The following HIVEP3 variants were observed in gnomAD, a reference collection of about 807,000 sequenced individuals.
HIVEP3 encodes HIVEP zinc finger 3.
A neutral mutation model predicts 152.8 loss-of-function variants in HIVEP3; 49 were observed. That is an observed-to-expected ratio of 0.32 (90% CI 0.26 to 0.41). The LOEUF is 0.41. Ranked by LOEUF, HIVEP3 falls within the 10% of genes least tolerant of loss-of-function variation. The pLI is 1.00. For missense variants in HIVEP3, 2,790 were observed against 3,103.3 expected, an observed-to-expected ratio of 0.90 and a Z score of 2.40; for synonymous variants, 1,269 against 1,289.0, an observed-to-expected ratio of 0.98 and a Z score of 0.33.
chr1:42,029,094 A>C (rs1430310376), intron 1 of HIVEP3, among the ~76,000 whole-genome samples: 1 of 152,260 alleles, frequency 6.6e-6, no homozygotes, highest in Non-Finnish European at 1.5e-5. Context: ...AATCTGGCTA[A>C]GGAATACCAG....
chr1:41,577,371 G>A (rs1264686894), intron 4 of HIVEP3, among the ~76,000 whole-genome samples: 3 of 152,176 alleles, frequency 2.0e-5, no homozygotes, highest in African/African-American at 7.2e-5. Flanking sequence ...GGCTCAGAGA[G>A]GTGAAGTTAT....
rs148386372 is a variant in HIVEP3 at position 42,009,466 on chromosome 1, C to G, written n.119+26341G>C. Among the ~76,000 whole-genome samples, 185 of 152,296 alleles carry G rather than the reference C, an allele frequency of 1.2e-3. 1 individual carries two copies. Among genetic ancestry groups the G allele is most frequent in the Non-Finnish European group, 2.0e-3 (136 of 68,020 alleles). ...TCTACCCACAGGATTTCCTTTTTGT[C>G]TGCTGGGTCTACATCAGATATTATT... On this transcript the variant is annotated intron_variant and non_coding_transcript_variant, in intron 1 of 3. Coordinates refer to the HIVEP3 transcript ENST00000489103.
chr1:41,532,232 CA>C (rs1320585522), intron 5 of HIVEP3, among the ~76,000 whole-genome samples: 2 of 134,210 alleles, frequency 1.5e-5, no homozygotes, highest in African/African-American at 2.9e-5. Flanking sequence ...AGATGGAGGA[CA>C]GGGGAGATGG....
intron 1 of HIVEP3, among the ~76,000 whole-genome samples, chr1:41,997,138 A>G (rs1353366336): frequency 6.6e-6 from 1 of 152,226 alleles, no homozygotes; most frequent in Non-Finnish European, 1.5e-5. Context: ...GGGAGGGAAC[A>G]TTATTCTATC....
chr1:41,558,112 A>G (rs6703228), intron 5 of HIVEP3, among the ~76,000 whole-genome samples: 1 of 152,044 alleles, frequency 6.6e-6, no homozygotes, highest in Non-Finnish European at 1.5e-5. Context: ...CTGGGCCCCC[A>G]TTTCCTCCTA....
intron 5 of HIVEP3, chr1:41,543,136 C>T (rs1163538468): frequency 5.3e-5 from 8 of 152,278 alleles, no homozygotes; most frequent in African/African-American, 1.9e-4. Context: ...TCTGACCACT[C>T]AAAGTGGGGG....
intron 2 of HIVEP3, among the ~76,000 whole-genome samples, chr1:41,670,392 G>A (rs1570273521): frequency 6.6e-6 from 1 of 152,250 alleles, no homozygotes; most frequent in East Asian, 1.9e-4. Flanking sequence ...GCAAAAACAG[G>A]ATGCTGCCCT....
At chr1:41,838,011 C>T (rs1643176157) in intron 1 of HIVEP3, among the ~76,000 whole-genome samples, 1 of 152,172 alleles carries the variant, frequency 6.6e-6, no homozygotes, top group Non-Finnish European at 1.5e-5. Context: ...TACCATGTTC[C>T]AGCTCTCCTT....
intron 1 of HIVEP3, among the ~76,000 whole-genome samples, chr1:41,724,059 T>A (rs1251702352): frequency 1.3e-5 from 2 of 152,142 alleles, no homozygotes; most frequent in Non-Finnish European, 2.9e-5. Context: ...CTTGCGATAA[T>A]AATATCATGA....
intron 5 of HIVEP3, among the ~76,000 whole-genome samples, chr1:41,527,090 AC>A (rs1642981643): frequency 1.2e-5 from 1 of 80,026 alleles, no homozygotes; most frequent in Non-Finnish European, 2.5e-5. Context: ...ACACACACCC[AC>A]ACACCCACAC....
chr1:41,692,850 C>G, intron 2 of HIVEP3, among the ~76,000 whole-genome samples: 1 of 152,148 alleles, frequency 6.6e-6, no homozygotes, highest in East Asian at 1.9e-4. Context: ...CCAGTAGCTC[C>G]CTATTGATGG....
rs543501492 is a variant in HIVEP3, at chr1:41,628,688, A to G, written c.-522+61T>C. ...TTCAGAGGAAGAACTAAGCAAGCTC[A>G]TGCAAGACAGACCAACATGGCGCCT... On this transcript the variant is annotated intron_variant, in intron 3 of 8. Transcript: ENST00000372583. The G allele has an allele frequency of 3.3e-4, 379 of 1,147,236 alleles. 3 individuals carry two copies. The South Asian group carries it at 0.015, about 44-fold the overall frequency. 71.1% of individuals were successfully genotyped at this position (1,147,236 alleles called of 1,614,324 possible).
intron 1 of HIVEP3, among the ~76,000 whole-genome samples, chr1:41,707,495 G>T (rs1235734504): frequency 6.6e-6 from 1 of 152,250 alleles, no homozygotes; most frequent in Non-Finnish European, 1.5e-5. Flanking sequence ...CAAGGCTGAG[G>T]CCCAAGTCCC....
In HIVEP3 at chr1:41,509,105, G is replaced by C. The variant is rs1419803878; in HGVS notation, c.*1346C>G. 2 of 152,210 alleles carry C rather than the reference G, an allele frequency of 1.3e-5. No homozygotes were observed. Among genetic ancestry groups the C allele is most frequent in the Non-Finnish European group, 2.9e-5 (2 of 68,040 alleles). The allele number at this position is 152,210 out of a possible 1,614,324, so 9.4% of individuals were successfully genotyped here. On this transcript the variant is annotated 3_prime_UTR_variant, in exon 9 of 9. Coordinates refer to ENST00000372583, the MANE Select transcript of HIVEP3 (RefSeq NM_024503.5). ...AAGTAGAGATGTGGGTAAGGAAGAG[G>C]CACTGGCTCACACTGATTGCTTTGG...
At chr1:41,822,365 C>T (rs1642632684) in intron 1 of HIVEP3, among the ~76,000 whole-genome samples, 1 of 152,200 alleles carries the variant, frequency 6.6e-6, no homozygotes, top group Non-Finnish European at 1.5e-5. Flanking sequence ...CAAAGTGAGT[C>T]AAAAGCCAGC....
chr1:41,801,085 G>A (rs1650275457), intron 1 of HIVEP3, among the ~76,000 whole-genome samples: 1 of 152,192 alleles, frequency 6.6e-6, no homozygotes, highest in South Asian at 2.1e-4. Context: ...ATGAAGGGAG[G>A]TCAGAAGACA....
At chr1:41,570,019 G>A (rs1644228756) in intron 5 of HIVEP3, among the ~76,000 whole-genome samples, 1 of 152,188 alleles carries the variant, frequency 6.6e-6, no homozygotes, top group Non-Finnish European at 1.5e-5. Context: ...CAGGTGGACC[G>A]CCTCCCAGAT....
intron 2 of HIVEP3, among the ~76,000 whole-genome samples, chr1:41,700,409 G>T (rs1162532327): frequency 6.6e-6 from 1 of 152,162 alleles, no homozygotes; most frequent in Non-Finnish European, 1.5e-5. Flanking sequence ...ACACATATAA[G>T]GTGAACACAC....
Position 41,532,364 on chromosome 1 carries a change from C to G in HIVEP3, c.5208-7454G>C, listed in dbSNP as rs546481819. Among the ~76,000 whole-genome samples the G allele has an allele frequency of 2.2e-3, 333 of 152,062 alleles. 1 individual carries two copies. The highest frequency in any genetic ancestry group is 5.6e-3 in the South Asian group (27 of 4,810). ...AGGGAGGACTTGGGTAGGCACCCCC[C>G]GGAGCAACGGCAGAGTGTTGAGAGC... On this transcript the variant is annotated intron_variant, in intron 5 of 8. Coordinates refer to ENST00000372583, the MANE Select transcript of HIVEP3 (RefSeq NM_024503.5).
Sources: gnomAD v4.1 joint callset for allele counts (sites outside exome capture counted in the v4.1 genomes callset) on GRCh38, gnomAD v4.1.1 for gene constraint, MANE v1.5 for transcripts, NCBI Gene and HGNC (gene_info 2026-07-23, HGNC 2026-07-21) for gene names.